Variants in ST8SIA2 observed in about 807,000 individuals in gnomAD.
ST8SIA2 encodes the protein ST8 alpha-N-acetyl-neuraminide alpha-2,8-sialyltransferase 2.
In ST8SIA2, 22 loss-of-function variants were observed where a neutral mutation model predicts 37.6. The observed-to-expected ratio is 0.58, with a 90% CI of 0.42 to 0.83. The LOEUF is 0.83. Among genes scored for constraint, ST8SIA2 ranks in the 40% least tolerant of loss-of-function variants. The pLI, the probability that ST8SIA2 is intolerant of heterozygous loss-of-function variation, is 0.00. For missense variants in ST8SIA2, 382 were observed against 484.7 expected (o/e 0.79, Z 1.99); for synonymous variants, 205 against 201.2 (o/e 1.02, Z -0.16).
intron 4 of ST8SIA2, among the ~76,000 whole-genome samples, chr15:92,440,816 A>G (rs534859582): frequency 1.3e-5 from 2 of 152,330 alleles, no homozygotes; most frequent in South Asian, 4.1e-4. Context: ...ACTAACAGTA[A>G]AGAGAGCATG....
At chr15:92,456,960 C>G (rs531207565) in intron 5 of ST8SIA2, among the ~76,000 whole-genome samples, 6 of 152,230 alleles carry the variant, frequency 3.9e-5, no homozygotes, top group Non-Finnish European at 7.3e-5. Context: ...GCCCCAAATT[C>G]TAAGACGAAG....
At chr15:92,441,652 A>AAATGCC (rs1238839062) in intron 4 of ST8SIA2, among the ~76,000 whole-genome samples, 2 of 152,078 alleles carry the variant, frequency 1.3e-5, no homozygotes, top group Non-Finnish European at 2.9e-5. Flanking sequence ...TCTGATGAAC[A>AAATGCC]AATGCCCTTC....
chr15:92,444,547 G>A (rs2049826379), intron 4 of ST8SIA2, 89 bp from the exon 5 acceptor site: 1 of 1,540,264 alleles, frequency 6.5e-7, no homozygotes, highest in Non-Finnish European at 9.0e-7. Flanking sequence ...TGAGAAAGAA[G>A]CAAGGAGAGG....
intron 5 of ST8SIA2, among the ~76,000 whole-genome samples, chr15:92,445,919 A>C (rs1419866612): frequency 6.6e-6 from 1 of 152,024 alleles, no homozygotes; most frequent in East Asian, 1.9e-4. Flanking sequence ...TCTCCCTGGC[A>C]CTTGGATCAG....
At chr15:92,432,016 A>G (rs1232681818) in intron 2 of ST8SIA2, among the ~76,000 whole-genome samples, 1 of 152,094 alleles carries the variant, frequency 6.6e-6, no homozygotes, top group African/African-American at 2.4e-5. Flanking sequence ...GAGGTTTCCA[A>G]GCAGGTCTCC....
At chr15:92,462,532 A>C (rs1263167132) in intron 5 of ST8SIA2, among the ~76,000 whole-genome samples, 1 of 152,234 alleles carries the variant, frequency 6.6e-6, no homozygotes, top group Non-Finnish European at 1.5e-5. Flanking sequence ...AAATCATATT[A>C]AACAGTTTCA....
intron 1 of ST8SIA2, among the ~76,000 whole-genome samples, chr15:92,399,794 C>T (rs559651614): frequency 3.3e-5 from 5 of 152,278 alleles, no homozygotes; most frequent in African/African-American, 9.6e-5. Flanking sequence ...CCACTCAGAG[C>T]CTCTTTCCCC....
At position 92,407,933 on chromosome 15, in the gene ST8SIA2, G is replaced by A. The variant is rs116594754; in HGVS notation, c.98+13771G>A. 9.5e-3 allele frequency among the ~76,000 whole-genome samples: 1,447 copies of A among 152,220 alleles called. 19 individuals carry two copies. The highest frequency in any genetic ancestry group is 0.032 in the African/African-American group (1,321 of 41,524). On this transcript the variant is annotated intron_variant, in intron 1 of 5. Transcript: ENST00000268164. ...GTCAATAAAGTCTAGTTAGCAAAAC[G>A]CATGAAGGTAGACCCGGAAAATGTT...
At chr15:92,427,145 T>C (rs1035458051) in intron 1 of ST8SIA2, among the ~76,000 whole-genome samples, 11 of 152,212 alleles carry the variant, frequency 7.2e-5, no homozygotes, top group Admixed American at 7.2e-4. Flanking sequence ...GTTAGCTTCA[T>C]TTAATTATTT....
In ST8SIA2 at chr15:92,466,677, C is replaced by T. The variant is rs967120019; in HGVS notation, c.*2292C>T. ...AGCTGGAGTGCAAGGAGTCCTTCCA[C>T]CCTGCCTTCAGGTTCTCTCTGGAGA... On this transcript the variant is annotated 3_prime_UTR_variant, in exon 6 of 6. Coordinates refer to ENST00000268164, the MANE Select transcript of ST8SIA2 (RefSeq NM_006011.4). 1 of 152,196 alleles carries T rather than the reference C, an allele frequency of 6.6e-6. No individual in the cohort carries two copies. The highest frequency in any genetic ancestry group is 1.5e-5 in the Non-Finnish European group (1 of 68,086). The allele number at this position is 152,196 out of a possible 1,614,324, so 9.4% of individuals were successfully genotyped here. A position where few individuals can be genotyped will look rare whatever the true frequency, so the allele number is the denominator to read the frequency against.
At chr15:92,430,202 T>G (rs1327568374) in intron 2 of ST8SIA2, 91 bp downstream of exon 2, 1 of 1,260,976 alleles carries the variant, frequency 7.9e-7, no homozygotes, top group Admixed American at 1.9e-5. Flanking sequence ...CCCTTCTTAC[T>G]TAGCAAATAG....
At chr15:92,396,452 T>TTTTGTTTG (rs889802775) in intron 1 of ST8SIA2, among the ~76,000 whole-genome samples, 1 of 151,440 alleles carries the variant, frequency 6.6e-6, no homozygotes, top group African/African-American at 2.4e-5. Flanking sequence ...AGGGGTTTCT[T>TTTTGTTTG]TTTGTTTGTT....
At chr15:92,459,581 G>A (rs1434803445) in intron 5 of ST8SIA2, among the ~76,000 whole-genome samples, 2 of 152,180 alleles carry the variant, frequency 1.3e-5, no homozygotes, top group African/African-American at 2.4e-5. Flanking sequence ...GGATCACCCA[G>A]TAAGGCCTCA....
At chr15:92,396,329 C>A (rs1330088061) in intron 1 of ST8SIA2, among the ~76,000 whole-genome samples, 2 of 152,242 alleles carry the variant, frequency 1.3e-5, no homozygotes, top group Non-Finnish European at 2.9e-5. Context: ...CAGCCCCACA[C>A]ATGTTTAATC....
At chr15:92,413,365 T>G (rs565133619) in intron 1 of ST8SIA2, among the ~76,000 whole-genome samples, 14 of 152,352 alleles carry the variant, frequency 9.2e-5, no homozygotes, top group Admixed American at 9.2e-4. Flanking sequence ...CAGTTCACCC[T>G]TCTGAAGGAG....
chr15:92,399,348 G>A (rs571217935), intron 1 of ST8SIA2, among the ~76,000 whole-genome samples: 5 of 152,288 alleles, frequency 3.3e-5, no homozygotes, highest in East Asian at 1.9e-4. Context: ...AGTACACCAC[G>A]GCCAGGGGTC....
At position 92,466,713 on chromosome 15, in the gene ST8SIA2, AC is replaced by A. The variant is rs61476163; in HGVS notation, c.*2332del. ...GGTTCTCTCTGGAGAAAGGTTAGAG[AC>A]CCCAGGACAATCAACATGTGCACCG... On this transcript the variant is annotated 3_prime_UTR_variant, in exon 6 of 6. Coordinates refer to ENST00000268164, the MANE Select transcript of ST8SIA2 (RefSeq NM_006011.4). 14,995 of 152,022 alleles carry A rather than the reference AC, an allele frequency of 0.099. 1,104 individuals carry two copies. The highest frequency in any genetic ancestry group is 0.35 in the East Asian group (1,808 of 5,144). 9.4% of individuals were successfully genotyped at this position (152,022 alleles called of 1,614,324 possible).
intron 1 of ST8SIA2, among the ~76,000 whole-genome samples, chr15:92,410,720 C>G (rs1197761610): frequency 1.3e-5 from 2 of 152,186 alleles, no homozygotes; most frequent in African/African-American, 4.8e-5. Flanking sequence ...CCCTGACCTC[C>G]CATGGTGAGC....
At chr15:92,416,591 G>A (rs2049588824) in intron 1 of ST8SIA2, among the ~76,000 whole-genome samples, 1 of 152,148 alleles carries the variant, frequency 6.6e-6, no homozygotes. Flanking sequence ...GGCCTAAGGG[G>A]TACTTCAGGG....
Sources: allele counts gnomAD v4.1 joint callset (sites outside exome capture counted in the v4.1 genomes callset), GRCh38; gene constraint gnomAD v4.1.1; transcripts MANE v1.5; gene names NCBI Gene and HGNC (gene_info 2026-07-23, HGNC 2026-07-21).